EXOC6: variants seen among roughly 807,000 people sequenced by gnomAD.
EXOC6 encodes the protein exocyst complex component 6, also known as SEC15-like 1.
In EXOC6, 60 loss-of-function variants were observed where a neutral mutation model predicts 112.5. The observed-to-expected ratio is 0.53, with a 90% CI of 0.43 to 0.66. EXOC6 has a LOEUF of 0.66. Ranked by LOEUF, EXOC6 falls within the 30% of genes least tolerant of loss-of-function variation. The pLI, the probability that EXOC6 is intolerant of heterozygous loss-of-function variation, is 0.00. For synonymous variants in EXOC6, 295 were observed against 308.0 expected (o/e 0.96, Z 0.44); for missense variants, 855 against 957.1 (o/e 0.89, Z 1.41).
At chr10:93,015,966 G>A (rs1844490345) in intron 20 of EXOC6, among the ~76,000 whole-genome samples, 1 of 152,156 alleles carries the variant, frequency 6.6e-6, no homozygotes. Context: ...GCTGAGTTGG[G>A]AAAGATAGTA....
intron 9 of EXOC6, among the ~76,000 whole-genome samples, chr10:92,932,936 A>G (rs950786506): frequency 1.3e-5 from 2 of 152,292 alleles, no homozygotes; most frequent in African/African-American, 2.4e-5. Context: ...AAACTATCCT[A>G]CAGTTTGAAG....
At chr10:93,028,287 A>G (rs1343940592) in intron 20 of EXOC6, among the ~76,000 whole-genome samples, 2 of 151,960 alleles carry the variant, frequency 1.3e-5, no homozygotes, top group African/African-American at 4.8e-5. Flanking sequence ...ACAGAGCAAG[A>G]CCCTGTTTCA....
At chr10:92,911,630 C>G (rs910733516) in intron 6 of EXOC6, among the ~76,000 whole-genome samples, 11 of 152,224 alleles carry the variant, frequency 7.2e-5, no homozygotes, top group Admixed American at 5.2e-4. Context: ...AATAGACTCT[C>G]TTGGTCCACT....
Position 92,893,355 on chromosome 10 carries a change from G to A in EXOC6, c.108G>A (p.Val36=). The change falls in exon 2 of 22, where the codon GTG becomes GTA. Residue 36 remains valine (V), a synonymous_variant. Coordinates refer to ENST00000260762, the MANE Select transcript of EXOC6 (RefSeq NM_019053.6). ...TACVGPTLRS[V]YDDQPNAHKK... ...CTTTCTTATATACATTCAGGTCTGTGTATGATGACCAACCAAATGCGCACA... is the reference window on the plus strand; with the variant it reads ...CTTTCTTATATACATTCAGGTCTGTATATGATGACCAACCAAATGCGCACA... The A allele has an allele frequency of 2.5e-6, 4 of 1,609,972 alleles. No individual in the cohort carries two copies. The highest frequency in any genetic ancestry group is 1.3e-5 in the African/African-American group (1 of 74,878).
intron 19 of EXOC6, among the ~76,000 whole-genome samples, chr10:93,013,121 A>G (rs1327182688): frequency 6.6e-6 from 1 of 152,154 alleles, no homozygotes; most frequent in African/African-American, 2.4e-5. Context: ...GTAAAATGAC[A>G]GGGTCTTTTT....
At chr10:92,931,117 A>C (rs1253887002) in intron 9 of EXOC6, among the ~76,000 whole-genome samples, 2 of 47,224 alleles carry the variant, frequency 4.2e-5, no homozygotes, top group African/African-American at 3.1e-4. Context: ...TCTCAGAAGA[A>C]AAAAAAAAAA....
At chr10:92,881,905 C>T (rs1326332) in intron 1 of EXOC6, among the ~76,000 whole-genome samples, 119,868 of 152,054 alleles carry the variant, frequency 0.79, 48,501 homozygotes, top group East Asian at 1. Flanking sequence ...AAGAAGAACA[C>T]GTTGGCCTCT....
chr10:93,025,138 T>A (rs971169873), intron 20 of EXOC6, among the ~76,000 whole-genome samples: 10 of 152,208 alleles, frequency 6.6e-5, no homozygotes, highest in Non-Finnish European at 1.2e-4. Context: ...TTAACTTTTT[T>A]AAAAATAATT....
intron 1 of EXOC6, among the ~76,000 whole-genome samples, chr10:92,859,240 T>C (rs1409933856): frequency 6.6e-6 from 1 of 152,140 alleles, no homozygotes; most frequent in Non-Finnish European, 1.5e-5. Flanking sequence ...GTGTGCTTGT[T>C]TAGTGGCTTG....
At chr10:92,990,806 T>C (rs552579768) in intron 18 of EXOC6, among the ~76,000 whole-genome samples, 1 of 152,278 alleles carries the variant, frequency 6.6e-6, no homozygotes, top group South Asian at 2.1e-4. Context: ...AGACTTTGAC[T>C]GCACTCAGTC....
intron 20 of EXOC6, among the ~76,000 whole-genome samples, chr10:93,048,769 A>G (rs1223528694): frequency 6.6e-6 from 1 of 151,630 alleles, no homozygotes; most frequent in Non-Finnish European, 1.5e-5. Flanking sequence ...AAAAAAAAAA[A>G]AAAGAATTTA....
Position 92,861,892 on chromosome 10 carries a change from G to C in EXOC6, c.101+13258G>C, listed in dbSNP as rs1847928895. ...TTAGGGAACAGGTTTGTGGAATTAGGGTTGTTTCACTAGGGAACAGGTTTG... is the reference window on the plus strand; with the variant it reads ...TTAGGGAACAGGTTTGTGGAATTAGCGTTGTTTCACTAGGGAACAGGTTTG... On this transcript the variant is annotated intron_variant, in intron 1 of 21. Transcript: ENST00000260762. Among the ~76,000 whole-genome samples, 5 of 152,208 alleles carry C rather than the reference G, an allele frequency of 3.3e-5. No homozygotes were observed. The East Asian group carries it at 9.6e-4, about 29-fold the overall frequency.
intron 4 of EXOC6, among the ~76,000 whole-genome samples, chr10:92,899,074 TTA>T (rs905499911): frequency 1.3e-5 from 2 of 152,228 alleles, no homozygotes; most frequent in Admixed American, 1.3e-4. Context: ...TCTGGCTGTA[TTA>T]TAATTCACTC....
chr10:92,856,169 A>C (rs189496627), intron 1 of EXOC6, among the ~76,000 whole-genome samples: 1 of 151,594 alleles, frequency 6.6e-6, no homozygotes, highest in South Asian at 2.1e-4. Context: ...TGGCCTCTCT[A>C]TTGTTTTTCT....
intron 18 of EXOC6, among the ~76,000 whole-genome samples, chr10:92,986,411 C>A (rs953723559): frequency 1.5e-4 from 23 of 151,910 alleles, no homozygotes; most frequent in African/African-American, 5.6e-4. Flanking sequence ...CAGAAGAGTT[C>A]TTTGTCTGGT....
intron 19 of EXOC6, among the ~76,000 whole-genome samples, chr10:93,006,422 C>T (rs1843985233): frequency 6.6e-6 from 1 of 152,138 alleles, no homozygotes; most frequent in African/African-American, 2.4e-5. Context: ...CCTAACCTAT[C>T]TGATGGAGGA....
Position 92,997,498 on chromosome 10 carries a change from A to G in EXOC6, c.1978A>G (p.Met660Val). 1.2e-6 allele frequency: 2 copies of G among 1,611,990 alleles called. No homozygotes were observed. Among genetic ancestry groups the G allele is most frequent in the Non-Finnish European group, 1.7e-6 (2 of 1,178,842 alleles). The change falls in exon 19 of 22, where the codon ATG becomes GTG. Residue 660 changes from methionine to valine, a missense_variant. Coordinates refer to ENST00000260762, the MANE Select transcript of EXOC6 (RefSeq NM_019053.6). Reference sequence around the variant, plus strand: ...GGGGAAAGTTGCTCAGACAGCTTGCATGTCAGCCTGCCAGCATCTGTCAAC... The same window carrying G: ...GGGGAAAGTTGCTCAGACAGCTTGCGTGTCAGCCTGCCAGCATCTGTCAAC... ...LPGKVAQTAC[M>V]SACQHLSTSL...
chr10:93,025,643 A>C (rs1452011353), intron 20 of EXOC6, among the ~76,000 whole-genome samples: 1 of 152,240 alleles, frequency 6.6e-6, no homozygotes. Flanking sequence ...AAACTAGAGA[A>C]AAGAGGAGTG....
intron 20 of EXOC6, among the ~76,000 whole-genome samples, chr10:93,015,505 G>A (rs942348256): frequency 6.6e-6 from 1 of 152,138 alleles, no homozygotes; most frequent in Non-Finnish European, 1.5e-5. Flanking sequence ...AGGCCGAGGC[G>A]GATGGATCAC....
Sources: allele counts gnomAD v4.1 joint callset (sites outside exome capture counted in the v4.1 genomes callset), GRCh38; gene constraint gnomAD v4.1.1; transcripts MANE v1.5; gene names NCBI Gene and HGNC (gene_info 2026-07-23, HGNC 2026-07-21).